Variants in GALNT17 observed in about 807,000 individuals in gnomAD.
The protein encoded by GALNT17 is UDP-GalNAc:polypeptide N-acetylgalactosaminyltransferase-like 3.
GALNT17 carries 29 observed loss-of-function variants against 63.7 expected under a neutral mutation model. That is an observed-to-expected ratio of 0.46 (90% CI 0.34 to 0.62). GALNT17 has a LOEUF of 0.62. Among genes scored for constraint, GALNT17 ranks in the 20% least tolerant of loss-of-function variants. The pLI is 0.01. For synonymous variants in GALNT17, 305 were observed against 318.3 expected (o/e 0.96, Z 0.45); for missense variants, 603 against 799.6 (o/e 0.75, Z 2.97).
At chr7:71,248,608 C>A (rs1041798702) in intron 1 of GALNT17, among the ~76,000 whole-genome samples, 1 of 152,044 alleles carries the variant, frequency 6.6e-6, no homozygotes, top group East Asian at 1.9e-4. Context: ...CAGATCACTT[C>A]ATTACAATTG....
At chr7:71,253,130 C>T (rs185244659) in intron 1 of GALNT17, among the ~76,000 whole-genome samples, 11 of 152,302 alleles carry the variant, frequency 7.2e-5, no homozygotes, top group African/African-American at 2.6e-4. Flanking sequence ...ATGAATGCAA[C>T]CACGTACCTC....
chr7:71,306,769 A>G (rs1791307395), intron 1 of GALNT17, among the ~76,000 whole-genome samples: 1 of 152,176 alleles, frequency 6.6e-6, no homozygotes, highest in African/African-American at 2.4e-5. Context: ...AAATAGTGCT[A>G]CTATGAGCAT....
At chr7:71,513,359 T>G (rs1295008457) in intron 5 of GALNT17, among the ~76,000 whole-genome samples, 1 of 152,026 alleles carries the variant, frequency 6.6e-6, no homozygotes, top group Non-Finnish European at 1.5e-5. Flanking sequence ...CAATCTTCCC[T>G]TGGTGTTTTT....
At chr7:71,418,633 A>G (rs1279351282) in intron 4 of GALNT17, among the ~76,000 whole-genome samples, 3 of 152,198 alleles carry the variant, frequency 2.0e-5, no homozygotes, top group Non-Finnish European at 2.9e-5. Context: ...TGGCAAACCA[A>G]TTCACATGTC....
intron 5 of GALNT17, among the ~76,000 whole-genome samples, chr7:71,525,323 T>C (rs1397971139): frequency 6.6e-6 from 1 of 151,908 alleles, no homozygotes; most frequent in Middle Eastern, 3.2e-3. Context: ...CTACAGGCTG[T>C]ACAGGCCCGC....
intron 5 of GALNT17, among the ~76,000 whole-genome samples, chr7:71,563,460 A>G (rs915796097): frequency 7.2e-5 from 11 of 152,246 alleles, no homozygotes; most frequent in Admixed American, 6.5e-4. Flanking sequence ...GCCCCTCCCC[A>G]GTCAGAGGAC....
chr7:71,392,778 A>G (rs1793073030), intron 3 of GALNT17, among the ~76,000 whole-genome samples: 1 of 152,148 alleles, frequency 6.6e-6, no homozygotes, highest in African/African-American at 2.4e-5. Context: ...CGATATTAAC[A>G]TGATCTCCCT....
At chr7:71,514,511 T>C (rs1416116411) in intron 5 of GALNT17, among the ~76,000 whole-genome samples, 1 of 152,026 alleles carries the variant, frequency 6.6e-6, no homozygotes, top group African/African-American at 2.4e-5. Flanking sequence ...ATCTCTACCA[T>C]CTGTCTTTCT....
intron 5 of GALNT17, among the ~76,000 whole-genome samples, chr7:71,555,208 T>G (rs1423780308): frequency 7.7e-6 from 1 of 130,004 alleles, no homozygotes; most frequent in East Asian, 2.3e-4. Context: ...CACCCACAAC[T>G]CTGGTGATCA....
intron 1 of GALNT17, among the ~76,000 whole-genome samples, chr7:71,306,699 C>T (rs1483833113): frequency 1.3e-5 from 2 of 152,122 alleles, no homozygotes; most frequent in Non-Finnish European, 2.9e-5. Context: ...TTAATGTATC[C>T]TCTTTTGTTT....
chr7:71,679,849 T>C (rs1214900625), intron 9 of GALNT17, among the ~76,000 whole-genome samples: 1 of 151,478 alleles, frequency 6.6e-6, no homozygotes, highest in Non-Finnish European at 1.5e-5. Context: ...GGTCTGAGAG[T>C]TTGCTTTTGT....
intron 1 of GALNT17, among the ~76,000 whole-genome samples, chr7:71,139,740 C>G (rs185316505): frequency 1.3e-5 from 2 of 152,084 alleles, no homozygotes; most frequent in East Asian, 3.9e-4. Flanking sequence ...AGCCTGTAAT[C>G]CCAGCACTTT....
Position 71,677,365 on chromosome 7 carries a change from C to A in GALNT17, c.1500+59C>A, listed in dbSNP as rs1791168534. 1.3e-4 allele frequency: 189 copies of A among 1,489,400 alleles called. No individual in the cohort carries two copies. The South Asian group carries it at 2.2e-3, about 18-fold the overall frequency. 92.3% of individuals were successfully genotyped at this position (1,489,400 alleles called of 1,614,324 possible). A position where few individuals can be genotyped will look rare whatever the true frequency, so the allele number is the denominator to read the frequency against. ...TATCACCATCTCCGACCCACAGAGG[C>A]CTTGCAGGCCTTCTGGATAAACTTT... On this transcript the variant is annotated intron_variant, in intron 9 of 10. Transcript: ENST00000333538.
rs143643868 is a variant in GALNT17 at position 71,626,170 on chromosome 7, G to A, written c.1081-39241G>A. 4.8e-3 allele frequency among the ~76,000 whole-genome samples: 723 copies of A among 151,852 alleles called. 13 individuals are homozygous for A. The highest frequency in any genetic ancestry group is 0.017 in the African/African-American group (694 of 41,434). ...GAGGCAGGGGAATCACTTGAACCCG[G>A]GAGGTGGAGGTTGCAGTGAGCTGAG... On this transcript the variant is annotated intron_variant, in intron 6 of 10. Coordinates refer to ENST00000333538, the MANE Select transcript of GALNT17 (RefSeq NM_022479.3).
intron 5 of GALNT17, among the ~76,000 whole-genome samples, chr7:71,469,634 T>C (rs1787595354): frequency 6.6e-6 from 1 of 152,204 alleles, no homozygotes; most frequent in Non-Finnish European, 1.5e-5. Context: ...CCACTGTTGA[T>C]TGGCCAAAAC....
At chr7:71,603,610 G>C (rs1338893603) in intron 6 of GALNT17, among the ~76,000 whole-genome samples, 1 of 150,556 alleles carries the variant, frequency 6.6e-6, no homozygotes, top group Non-Finnish European at 1.5e-5. Flanking sequence ...CATACACCAG[G>C]TACTATGCTA....
intron 1 of GALNT17, among the ~76,000 whole-genome samples, chr7:71,281,041 A>T (rs540188128): frequency 6.6e-6 from 1 of 152,230 alleles, no homozygotes; most frequent in Non-Finnish European, 1.5e-5. Context: ...CAGCACAGAA[A>T]TGCATAAAGG....
chr7:71,587,709 TA>T (rs572864572), intron 6 of GALNT17, among the ~76,000 whole-genome samples: 1 of 151,806 alleles, frequency 6.6e-6, no homozygotes, highest in East Asian at 1.9e-4. Context: ...CTGAAAACAT[TA>T]AAAAAACACT....
intron 3 of GALNT17, among the ~76,000 whole-genome samples, chr7:71,396,320 T>C (rs572091988): frequency 4.2e-4 from 64 of 152,276 alleles, no homozygotes; most frequent in African/African-American, 1.5e-3. Context: ...CCAAATTCTT[T>C]CTATTTTTCT....
Sources: allele counts gnomAD v4.1 joint callset (sites outside exome capture counted in the v4.1 genomes callset), GRCh38; gene constraint gnomAD v4.1.1; transcripts MANE v1.5; gene names NCBI Gene and HGNC (gene_info 2026-07-23, HGNC 2026-07-21).